KCNK5: variants seen among roughly 807,000 people sequenced by gnomAD.
KCNK5 encodes potassium channel subfamily K member 5.
In KCNK5, 18 loss-of-function variants were observed where a neutral mutation model predicts 32.9. That is an observed-to-expected ratio of 0.55 (90% confidence interval 0.38 to 0.81). The LOEUF is 0.81. Ranked by LOEUF, KCNK5 falls within the 30% of genes least tolerant of loss-of-function variation. The probability of loss-of-function intolerance (pLI) is 0.00; values close to 1 mark genes in which losing one functional copy is unlikely to be tolerated. For synonymous variants in KCNK5, 276 were observed against 275.3 expected, an observed-to-expected ratio of 1.00 and a Z score of -0.03; for missense variants, 507 against 651.0, an observed-to-expected ratio of 0.78 and a Z score of 2.41.
chr6:39,229,340 C>A lies in KCNK5; in HGVS notation c.-229G>T, dbSNP rs1771729441. 1.7e-6 allele frequency: 1 copy of A among 576,148 alleles called. No individual in the cohort carries two copies. The allele number at this position is 576,148 out of a possible 1,614,324, so 35.7% of individuals were successfully genotyped here. A position where few individuals can be genotyped will look rare whatever the true frequency, so the allele number is the denominator to read the frequency against. On this transcript the variant is annotated 5_prime_UTR_variant, in exon 1 of 5. Transcript: ENST00000359534. ...CCCCACTCACGCGGCCCGGGGTGGG[C>A]GAACACCAGCGGGGCTGAAAGGGCG...
In KCNK5 at chr6:39,190,785, C is replaced by T. The variant is rs1021903819; in HGVS notation, c.*105G>A. On this transcript the variant is annotated 3_prime_UTR_variant, in exon 5 of 5. Transcript: ENST00000359534. ...GCCCCTGGCCCCCCACTCCCAGTTC[C>T]GAGGCTGCCCCCCCACCAGGGGCCA... is the stretch of plus-strand genomic sequence containing the variant. 50 of 1,219,722 alleles carry T rather than the reference C, an allele frequency of 4.1e-5. No individual in the cohort carries two copies. Among genetic ancestry groups the T allele is most frequent in the Middle Eastern group, 2.5e-4 (1 of 3,942 alleles). 75.6% of individuals were successfully genotyped at this position (1,219,722 alleles called of 1,614,324 possible). A position where few individuals can be genotyped will look rare whatever the true frequency, so the allele number is the denominator to read the frequency against.
chr6:39,201,170 C>CATGGGTTA (rs999971433), intron 1 of KCNK5, among the ~76,000 whole-genome samples: 6 of 152,330 alleles, frequency 3.9e-5, no homozygotes, highest in East Asian at 3.9e-4. Context: ...GTCAGTGGTT[C>CATGGGTTA]ATGGGTTAAT....
intron 1 of KCNK5, among the ~76,000 whole-genome samples, chr6:39,222,168 G>C (rs1374728357): frequency 6.6e-6 from 1 of 152,176 alleles, no homozygotes; most frequent in Non-Finnish European, 1.5e-5. Flanking sequence ...GATGCAATCT[G>C]GGAAGGTCAC....
In KCNK5 at chr6:39,201,673, A is replaced by T. The variant is rs569401956; in HGVS notation, c.187-5686T>A. On this transcript the variant is annotated intron_variant, in intron 1 of 4. Coordinates refer to ENST00000359534, the MANE Select transcript of KCNK5 (RefSeq NM_003740.4). Reference sequence around the variant, plus strand: ...GCGTGTGCTTGGTAGTACAGAAAGAAACTTATCATTCCTCTCACCTCCCTT... The same window carrying T: ...GCGTGTGCTTGGTAGTACAGAAAGATACTTATCATTCCTCTCACCTCCCTT... Among the ~76,000 whole-genome samples, 5 of 152,316 alleles carry T rather than the reference A, an allele frequency of 3.3e-5. No homozygotes were observed. In the South Asian group the frequency reaches 1.0e-3, roughly 32 times the overall value.
chr6:39,215,509 G>C (rs1247242313), intron 1 of KCNK5, among the ~76,000 whole-genome samples: 1 of 152,164 alleles, frequency 6.6e-6, no homozygotes, highest in East Asian at 1.9e-4. Flanking sequence ...TCCCGCACTG[G>C]GGGCATGAGA....
rs1771002896 is a variant in KCNK5 at position 39,194,892 on chromosome 6, T to C, written c.299-132A>G. 2 of 739,034 alleles carry C rather than the reference T, an allele frequency of 2.7e-6. No individual in the cohort carries two copies. Among genetic ancestry groups the C allele is most frequent in the Admixed American group, 2.6e-5 (1 of 38,814 alleles). 45.8% of individuals were successfully genotyped at this position (739,034 alleles called of 1,614,324 possible). ...TATTGTCAGTACTTAAGTAATGATATTTCCCTTGATCATACTCTGATCATG... is the reference window on the plus strand; with the variant it reads ...TATTGTCAGTACTTAAGTAATGATACTTCCCTTGATCATACTCTGATCATG... On this transcript the variant is annotated intron_variant, in intron 2 of 4. Transcript: ENST00000359534. The surrounding 1 kb of genome is among the most constrained non-coding windows in gnomAD (Gnocchi z 4.7).
At position 39,191,764 on chromosome 6, in the gene KCNK5, A is replaced by G. The variant is rs1350180611; in HGVS notation, c.635-9T>C. ...GGCGCTGGGGTTCACACCTGAGCGG[A>G]CAGGCAGTCCAGAGGTCAGGAAGAG... is the stretch of plus-strand genomic sequence containing the variant. On this transcript the variant is annotated splice_polypyrimidine_tract_variant and intron_variant, in intron 4 of 4. Coordinates refer to ENST00000359534, the MANE Select transcript of KCNK5 (RefSeq NM_003740.4). The surrounding 1 kb of genome is among the most constrained non-coding windows in gnomAD (Gnocchi z 5.8). 7.5e-6 allele frequency: 12 copies of G among 1,607,390 alleles called. No homozygotes were observed. Among genetic ancestry groups the G allele is most frequent in the Non-Finnish European group, 1.0e-5 (12 of 1,175,626 alleles).
chr6:39,203,143 G>A (rs146248813), intron 1 of KCNK5, among the ~76,000 whole-genome samples: 2 of 152,256 alleles, frequency 1.3e-5, no homozygotes, highest in East Asian at 1.9e-4. Flanking sequence ...GAAGGACTAG[G>A]GATTTCAAGC....
intron 2 of KCNK5, among the ~76,000 whole-genome samples, chr6:39,195,266 C>T (rs1482330637): frequency 2.6e-5 from 4 of 152,226 alleles, no homozygotes; most frequent in African/African-American, 4.8e-5. Flanking sequence ...TGCTGCTTTT[C>T]GCCTTGGTTC....
intron 1 of KCNK5, among the ~76,000 whole-genome samples, chr6:39,213,898 G>A (rs1410045215): frequency 6.6e-6 from 1 of 151,966 alleles, no homozygotes; most frequent in Non-Finnish European, 1.5e-5. Flanking sequence ...TGGTGGTGTG[G>A]GCCTGTAATC....
At position 39,213,602 on chromosome 6, in the gene KCNK5, T is replaced by C. The variant is rs183234375; in HGVS notation, c.186+15324A>G. 5.0e-3 allele frequency among the ~76,000 whole-genome samples: 749 copies of C among 150,336 alleles called. 2 individuals carry two copies. The highest frequency in any genetic ancestry group is 0.017 in the African/African-American group (692 of 41,050). The stretch of plus-strand genomic sequence containing the variant: ...CCAGTTCAATAAGCACAGATTAAAT[T>C]GTGTGCAGAGCAGTGGGGAAGAGGG... On this transcript the variant is annotated intron_variant, in intron 1 of 4. Transcript: ENST00000359534.
At position 39,191,252 on chromosome 6, in the gene KCNK5, C is replaced by A; in HGVS notation, c.1138G>T (p.Ala380Ser). 6.2e-7 allele frequency: 1 copy of A among 1,614,130 alleles called. No individual in the cohort carries two copies. The highest frequency in any genetic ancestry group is 8.5e-7 in the Non-Finnish European group (1 of 1,180,042). Residue 380 changes from alanine (A) to serine (S), a missense_variant, in exon 5 of 5, where the codon GCC (alanine) becomes TCC (serine). By Grantham distance (99) the Ala-to-Ser change is moderately conservative. This residue lies in a region of KCNK5 where 252 missense variants were observed against 250.8 expected (regional missense o/e 1.00). Transcript: ENST00000359534. This position sits in a 1 kb window ranked among gnomAD's most constrained non-coding sequence, Gnocchi z 5.8. ...RSPDEEAVARAPEDSSPAPEV... is the reference protein window; with the variant it reads ...RSPDEEAVARSPEDSSPAPEV... ...GGGGCAGGGGAGCTGTCTTCAGGGG[C>A]CCGTGCCACAGCCTCCTCATCTGGG...
chr6:39,213,016 G>T lies in KCNK5; in HGVS notation c.186+15910C>A, dbSNP rs950504852. On this transcript the variant is annotated intron_variant, in intron 1 of 4. Transcript: ENST00000359534. ...AATCCAGGTTGGTATCCTTGGAGGG[G>T]GATTGGTTCCAAGACCCCCTGTGGA... Among the ~76,000 whole-genome samples the T allele has an allele frequency of 1.8e-4, 28 of 152,176 alleles. 1 individual carries two copies. Among genetic ancestry groups the T allele is most frequent in the Admixed American group, 1.6e-3 (24 of 15,282 alleles).
At chr6:39,195,779 C>T (rs1333994571) in intron 2 of KCNK5, 97 bp downstream of exon 2, 1 of 752,678 alleles carries the variant, frequency 1.3e-6, no homozygotes, top group Non-Finnish European at 2.2e-6. Context: ...TCTGATTGTA[C>T]CCCCAACAGG....
chr6:39,207,592 C>T (rs746989032), intron 1 of KCNK5, among the ~76,000 whole-genome samples: 2 of 151,830 alleles, frequency 1.3e-5, no homozygotes, highest in Non-Finnish European at 2.9e-5. Flanking sequence ...GAGTCAGTTC[C>T]CCTGCGGACT....
chr6:39,229,257 T>TC lies in KCNK5; in HGVS notation c.-147dup. ...GGTACTCACCCCCCGCAAGCACCGC[T>TC]CCCCGGACAGAGTTGCTTGGCCAAG... On this transcript the variant is annotated 5_prime_UTR_variant, in exon 1 of 5. Transcript: ENST00000359534. 1 of 864,952 alleles carries TC rather than the reference T, an allele frequency of 1.2e-6. No homozygotes were observed. The highest frequency in any genetic ancestry group is 1.7e-5 in the African/African-American group (1 of 58,748). 53.6% of individuals were successfully genotyped at this position (864,952 alleles called of 1,614,324 possible).
At chr6:39,201,252 T>TC (rs2113784058) in intron 1 of KCNK5, among the ~76,000 whole-genome samples, 1 of 136,678 alleles carries the variant, frequency 7.3e-6, no homozygotes, top group African/African-American at 2.7e-5. Flanking sequence ...TCTTTTTTCT[T>TC]CTTTTTTTTT....
chr6:39,204,410 C>G (rs533764231), intron 1 of KCNK5, among the ~76,000 whole-genome samples: 13 of 152,208 alleles, frequency 8.5e-5, no homozygotes, highest in African/African-American at 2.7e-4. Context: ...CTACTGGAGT[C>G]CCCCTGCCTG....
intron 1 of KCNK5, among the ~76,000 whole-genome samples, chr6:39,209,109 A>T (rs1387129731): frequency 6.6e-6 from 1 of 151,824 alleles, no homozygotes; most frequent in Non-Finnish European, 1.5e-5. Flanking sequence ...AAGCAAAAGG[A>T]GTATTTAGGA....
Sources: gnomAD v4.1 joint callset for allele counts (sites outside exome capture counted in the v4.1 genomes callset) on GRCh38, gnomAD v4.1.1 for gene constraint, gnomAD v4.1.1 regional missense constraint, Gnocchi (gnomAD v3.1) non-coding constraint, MANE v1.5 for transcripts, NCBI Gene and HGNC (gene_info 2026-07-23, HGNC 2026-07-21) for gene names.